BAZ1B: variants seen among roughly 807,000 people sequenced by gnomAD.
BAZ1B encodes bromodomain adjacent to zinc finger domain 1B.
BAZ1B carries 22 observed loss-of-function variants against 153.8 expected under a neutral mutation model. The observed-to-expected ratio is 0.14, with a 90% CI of 0.10 to 0.20. BAZ1B has a LOEUF of 0.20. BAZ1B is among the 10% of genes least tolerant of loss of function. BAZ1B has a pLI of 1.00. For missense variants in BAZ1B, 1,325 were observed against 1,799.3 expected (o/e 0.74, Z 4.77); for synonymous variants, 676 against 633.4 (o/e 1.07, Z -1.01).
chr7:73,447,781 C>CA (rs1424582016), intron 15 of BAZ1B, among the ~76,000 whole-genome samples: 1 of 152,220 alleles, frequency 6.6e-6, no homozygotes, highest in Admixed American at 6.5e-5. Context: ...AAAGAATAAA[C>CA]AGAGCCCAGA....
chr7:73,511,955 T>C (rs1258052219), intron 1 of BAZ1B, among the ~76,000 whole-genome samples: 1 of 132,358 alleles, frequency 7.6e-6, no homozygotes, highest in South Asian at 2.4e-4. Flanking sequence ...CACTTGAACC[T>C]GGGAGGCCGT....
chr7:73,444,271 G>C, intron 16 of BAZ1B, 142 bp from the exon 17 acceptor site: 1 of 974,468 alleles, frequency 1.0e-6, no homozygotes, highest in Non-Finnish European at 1.5e-6. Flanking sequence ...AGGTGCTCTT[G>C]CTATTTTATC....
intron 15 of BAZ1B, among the ~76,000 whole-genome samples, chr7:73,448,542 A>C (rs1426440989): frequency 6.6e-6 from 1 of 152,232 alleles, no homozygotes; most frequent in African/African-American, 2.4e-5. Context: ...CATGCACCAA[A>C]ATACTACTTC....
At chr7:73,482,948 T>G (rs1205926785) in intron 6 of BAZ1B, among the ~76,000 whole-genome samples, 1 of 152,122 alleles carries the variant, frequency 6.6e-6, no homozygotes, top group Non-Finnish European at 1.5e-5. Flanking sequence ...CCGGCATGGC[T>G]GGACTCAGGG....
At chr7:73,449,869 A>C (rs879971559) in intron 14 of BAZ1B, among the ~76,000 whole-genome samples, 180 bp from the exon 15 acceptor site, 12 of 152,232 alleles carry the variant, frequency 7.9e-5, no homozygotes, top group Non-Finnish European at 1.8e-4. Context: ...CATAACTTAG[A>C]TTACAGATAA....
chr7:73,478,118 T>C lies in BAZ1B; in HGVS notation c.1343A>G (p.Gln448Arg), dbSNP rs782087968. 5 of 1,614,128 alleles carry C rather than the reference T, an allele frequency of 3.1e-6. No individual in the cohort carries two copies. The highest frequency in any genetic ancestry group is 1.7e-5 in the Admixed American group (1 of 60,004). ...ATTCCGTGGGGCTCGTGTCATCTTC[T>C]GCGTGCCTTTGGCCATATCCAACAA... is the stretch of plus-strand genomic sequence containing the variant. ...MTLLDMAKGT[Q>R]KMTRAPRNSG... The change falls in exon 7 of 20, where the codon CAG becomes CGG. Residue 448 changes from glutamine to arginine, a missense_variant. Gln to Arg is a conservative substitution (Grantham distance 43). Coordinates refer to ENST00000339594, the MANE Select transcript of BAZ1B (RefSeq NM_032408.4).
intron 1 of BAZ1B, among the ~76,000 whole-genome samples, chr7:73,519,977 A>C (rs1790969833): frequency 6.6e-6 from 1 of 152,088 alleles, no homozygotes; most frequent in African/African-American, 2.4e-5. Flanking sequence ...GGAGGCCGAG[A>C]TGGGCGGATC....
chr7:73,451,323 T>C (rs1788020906), intron 13 of BAZ1B, among the ~76,000 whole-genome samples: 1 of 152,196 alleles, frequency 6.6e-6, no homozygotes, highest in Non-Finnish European at 1.5e-5. Context: ...AAAACTCCGA[T>C]TTAAAAGATA....
chr7:73,477,991 G>T lies in BAZ1B; in HGVS notation c.1470C>A (p.Asp490Glu), dbSNP rs147261399. Residue 490 changes from aspartate to glutamate, a missense_variant, in exon 7 of 20, where the codon GAC (aspartate) becomes GAA (glutamate). Physicochemically the swap from Asp to Glu is conservative, Grantham distance 45. Coordinates refer to ENST00000339594, the MANE Select transcript of BAZ1B (RefSeq NM_032408.4). This position sits in a 1 kb window ranked among gnomAD's most constrained non-coding sequence, Gnocchi z 5.6. ...TAACACAGGACAGGGCGCTCCTCTT[G>T]TCCTCCCTGTCTTTGTTTTCTTTGT... ...AYYKENKDRE[D>E]KRSALSCVIS... is the part of the protein sequence containing the mutation. 6.2e-7 allele frequency: 1 copy of T among 1,614,076 alleles called. No homozygotes were observed. The highest frequency in any genetic ancestry group is 1.1e-5 in the South Asian group (1 of 91,070).
chr7:73,521,522 C>G lies in BAZ1B; in HGVS notation c.107+305G>C, dbSNP rs77455758. On this transcript the variant is annotated intron_variant, in intron 1 of 19. Coordinates refer to ENST00000339594, the MANE Select transcript of BAZ1B (RefSeq NM_032408.4). ...TCGGGTCCTCAAGGCCTAAAGCCAA[C>G]CCGGGGAAGGTAATGGGGATGGGGG... is the stretch of plus-strand genomic sequence containing the variant. Among the ~76,000 whole-genome samples, 129 of 152,294 alleles carry G rather than the reference C, an allele frequency of 8.5e-4. 1 individual carries two copies. The East Asian group carries it at 0.024, about 28-fold the overall frequency.
intron 1 of BAZ1B, among the ~76,000 whole-genome samples, chr7:73,520,942 T>A (rs1479131635): frequency 2.6e-5 from 4 of 151,990 alleles, no homozygotes; most frequent in African/African-American, 4.8e-5. Context: ...AAACGATTCT[T>A]CTGGCACCCA....
At chr7:73,479,997 G>A (rs1789139392) in intron 6 of BAZ1B, among the ~76,000 whole-genome samples, 1 of 152,128 alleles carries the variant, frequency 6.6e-6, no homozygotes, top group South Asian at 2.1e-4. Flanking sequence ...GTGAAACCCA[G>A]TCTCTACTAA....
rs782048527 is a variant in BAZ1B, at chr7:73,478,586, G to C, written c.892-17C>G. The C allele has an allele frequency of 3.4e-6, 5 of 1,468,104 alleles. No individual in the cohort carries two copies. The African/African-American group carries it at 7.1e-5, about 21-fold the overall frequency. The allele number at this position is 1,468,104 out of a possible 1,614,324, so 90.9% of individuals were successfully genotyped here. ...AGTCATATACTAGAATTTAAGAATA[G>C]GAGCAAAATTAATTTTAAAATCTAA... On this transcript the variant is annotated splice_polypyrimidine_tract_variant and intron_variant, in intron 6 of 19. Transcript: ENST00000339594.
At chr7:73,445,995 C>T (rs1583882932) in intron 16 of BAZ1B, among the ~76,000 whole-genome samples, 1 of 152,296 alleles carries the variant, frequency 6.6e-6, no homozygotes, top group African/African-American at 2.4e-5. Context: ...CCTGAAAAAT[C>T]AGGCGTAGTG....
chr7:73,464,692 T>C (rs951155855), intron 11 of BAZ1B, among the ~76,000 whole-genome samples: 3 of 152,168 alleles, frequency 2.0e-5, no homozygotes, highest in African/African-American at 7.2e-5. Flanking sequence ...CTAAATAATA[T>C]TCCACTATTT....
chr7:73,469,696 T>C (rs782033080), intron 8 of BAZ1B, 46 bp from the exon 9 acceptor site: 8 of 1,605,566 alleles, frequency 5.0e-6, no homozygotes, highest in African/African-American at 2.7e-5. Flanking sequence ...TAGATCAGGA[T>C]TGCAGGATGA....
intron 6 of BAZ1B, among the ~76,000 whole-genome samples, chr7:73,486,765 T>A (rs1433389742): frequency 1.3e-5 from 2 of 152,236 alleles, no homozygotes; most frequent in Non-Finnish European, 2.9e-5. Context: ...TGCCTTTGGA[T>A]GGATGGGTCC....
chr7:73,482,238 G>A (rs1554573804), intron 6 of BAZ1B, among the ~76,000 whole-genome samples: 1 of 152,144 alleles, frequency 6.6e-6, no homozygotes, highest in East Asian at 1.9e-4. Context: ...ATGCTAGGAA[G>A]AATAAGCCAA....
chr7:73,492,684 A>C (rs1333919507), intron 5 of BAZ1B, 116 bp downstream of exon 5: 1 of 1,043,320 alleles, frequency 9.6e-7, no homozygotes. Context: ...AACCACTCAG[A>C]ATCTGCTGTA....
Sources: gnomAD v4.1 joint callset for allele counts (sites outside exome capture counted in the v4.1 genomes callset) on GRCh38, gnomAD v4.1.1 for gene constraint, Gnocchi (gnomAD v3.1) non-coding constraint, MANE v1.5 for transcripts, NCBI Gene and HGNC (gene_info 2026-07-23, HGNC 2026-07-21) for gene names.